TUSC3: variants seen among roughly 807,000 people sequenced by gnomAD.
TUSC3 encodes the protein dolichyl-diphosphooligosaccharide--protein glycosyltransferase subunit TUSC3.
A neutral mutation model predicts 44.8 loss-of-function variants in TUSC3; 45 were observed. The ratio of observed to expected loss-of-function variants is 1.00; its 90% CI spans 0.79 to 1.29. The LOEUF (loss-of-function observed/expected upper bound fraction) is 1.29. TUSC3 is among the 50% of genes most tolerant of loss of function. TUSC3 has a pLI of 0.00. For missense variants in TUSC3, 519 were observed against 437.9 expected (o/e 1.19, Z -1.65); for synonymous variants, 212 against 152.9 (o/e 1.39, Z -2.85).
At chr8:15,719,516 CCACA>C (rs56066329) in intron 6 of TUSC3, among the ~76,000 whole-genome samples, 158 of 16,222 alleles carry the variant, frequency 9.7e-3, no homozygotes, top group African/African-American at 0.029. Context: ...CACACACACA[CCACA>C]CACACACACA....
the TUSC3 span, among the ~76,000 whole-genome samples, chr8:15,826,595 G>T: frequency 1.3e-5 from 2 of 152,100 alleles, no homozygotes; most frequent in Admixed American, 1.3e-4. Flanking sequence ...TGCTTTTAAG[G>T]TAAAGTGCTG....
intron 1 of TUSC3, among the ~76,000 whole-genome samples, chr8:15,594,006 A>G (rs895148096): frequency 6.6e-6 from 1 of 152,164 alleles, no homozygotes; most frequent in Non-Finnish European, 1.5e-5. Context: ...TGTACTAACG[A>G]TACTATATTA....
intron 1 of TUSC3, among the ~76,000 whole-genome samples, chr8:15,555,548 G>A (rs1207310664): frequency 6.6e-6 from 1 of 151,166 alleles, no homozygotes; most frequent in Non-Finnish European, 1.5e-5. Context: ...CCCTGCCTTG[G>A]CCTCCCAGAG....
At chr8:15,529,890 T>G (rs1039300083) in intron 2 of TUSC3, among the ~76,000 whole-genome samples, 4 of 86,422 alleles carry the variant, frequency 4.6e-5, no homozygotes, top group Admixed American at 3.0e-4. Context: ...CTCCGCTTCC[T>G]GGGTTCACGC....
At chr8:15,432,594 G>C (rs954752090) in intron 1 of TUSC3, among the ~76,000 whole-genome samples, 12 of 152,122 alleles carry the variant, frequency 7.9e-5, no homozygotes, top group African/African-American at 2.7e-4. Context: ...ATGGTGTACT[G>C]ATAAAAGAAA....
the TUSC3 span, among the ~76,000 whole-genome samples, chr8:15,785,287 T>G: frequency 8.4e-5 from 11 of 131,274 alleles, 1 homozygote; most frequent in Admixed American, 8.1e-4. Context: ...AATAAAAATC[T>G]TCTTCACTTT....
intron 6 of TUSC3, among the ~76,000 whole-genome samples, chr8:15,703,558 A>G (rs1809492611): frequency 6.6e-6 from 1 of 152,116 alleles, no homozygotes; most frequent in Non-Finnish European, 1.5e-5. Flanking sequence ...AAAGAGTTTT[A>G]TTTGGGTCAC....
intron 6 of TUSC3, among the ~76,000 whole-genome samples, chr8:15,690,414 G>A (rs2129189671): frequency 6.6e-6 from 1 of 151,682 alleles, no homozygotes; most frequent in Middle Eastern, 3.4e-3. Context: ...TTTGTCAAAT[G>A]TATAATTTGC....
intron 2 of TUSC3, among the ~76,000 whole-genome samples, chr8:15,515,843 G>C (rs1316318368): frequency 6.6e-6 from 1 of 151,290 alleles, no homozygotes; most frequent in Non-Finnish European, 1.5e-5. Flanking sequence ...ATTTTTTTTT[G>C]TATTTTTAGT....
chr8:15,851,123 G>C, the TUSC3 span, among the ~76,000 whole-genome samples: 1 of 152,192 alleles, frequency 6.6e-6, no homozygotes, highest in Non-Finnish European at 1.5e-5. Flanking sequence ...CAACATTAAT[G>C]ATCTAAAAAT....
chr8:15,825,922 A>C, the TUSC3 span, among the ~76,000 whole-genome samples: 6 of 149,696 alleles, frequency 4.0e-5, no homozygotes, highest in African/African-American at 1.5e-4. Flanking sequence ...TTCAAACAAG[A>C]AGCAATACAC....
the TUSC3 span, among the ~76,000 whole-genome samples, chr8:15,851,520 A>G: frequency 6.6e-6 from 1 of 152,202 alleles, no homozygotes; most frequent in African/African-American, 2.4e-5. Flanking sequence ...TTCTCATTTT[A>G]CAGATGAAGA....
chr8:15,446,732 G>A (rs1224330068), intron 1 of TUSC3, among the ~76,000 whole-genome samples: 2 of 118,920 alleles, frequency 1.7e-5, no homozygotes, highest in Non-Finnish European at 3.5e-5. Context: ...TGGGAGACAG[G>A]AGAGGGGGAG....
intron 2 of TUSC3, among the ~76,000 whole-genome samples, chr8:15,483,649 A>ATATTTTTTT (rs1800694380): frequency 1.5e-5 from 1 of 66,166 alleles, no homozygotes; most frequent in African/African-American, 5.5e-5. Flanking sequence ...TAGCACTGTG[A>ATATTTTTTT]TTTTTTTTTT....
At chr8:15,754,183 A>G (rs1018108054) in intron 9 of TUSC3, among the ~76,000 whole-genome samples, 4 of 152,126 alleles carry the variant, frequency 2.6e-5, no homozygotes, top group African/African-American at 4.8e-5. Context: ...GAAAACGCAC[A>G]ACACATACTC....
chr8:15,445,470 C>T (rs1025291238), intron 1 of TUSC3, among the ~76,000 whole-genome samples: 18 of 152,142 alleles, frequency 1.2e-4, no homozygotes, highest in African/African-American at 4.1e-4. Context: ...TGCGGCCTTC[C>T]GCAGTGTTTG....
intron 1 of TUSC3, among the ~76,000 whole-genome samples, chr8:15,426,151 C>G (rs1255513146): frequency 2.0e-5 from 3 of 152,174 alleles, no homozygotes; most frequent in Non-Finnish European, 4.4e-5. Flanking sequence ...GTTTGATATG[C>G]AAACATTTGT....
Position 15,540,575 on chromosome 8 carries a change from T to C in TUSC3, c.138+7T>C, listed in dbSNP as rs748175275. 2 of 1,572,504 alleles carry C rather than the reference T, an allele frequency of 1.3e-6. No individual in the cohort carries two copies. The highest frequency in any genetic ancestry group is 2.5e-5 in the East Asian group (1 of 40,410). ...AGGACAGAAGAAAAAGGAGGTAGAA[T>C]GGATCCCCTTGGCCTTCCCCTGTGG... On this transcript the variant is annotated splice_region_variant and intron_variant, in intron 1 of 10. Coordinates refer to ENST00000503731, the MANE Select transcript of TUSC3 (RefSeq NM_006765.4).
At chr8:15,538,821 C>A (rs1304006817), upstream of TUSC3, among the ~76,000 whole-genome samples, 1 of 151,350 alleles carries the variant, frequency 6.6e-6, no homozygotes, top group Non-Finnish European at 1.5e-5. Context: ...GTATATATTC[C>A]TTAAGTATTA....
Sources: allele counts gnomAD v4.1 joint callset (sites outside exome capture counted in the v4.1 genomes callset), GRCh38; gene constraint gnomAD v4.1.1; transcripts MANE v1.5; gene names NCBI Gene and HGNC (gene_info 2026-07-23, HGNC 2026-07-21).